PUM3: variants seen among roughly 807,000 people sequenced by gnomAD.
PUM3 encodes pumilio RNA binding family member 3, also known as pumilio homolog 3.
Under a neutral mutation model 84.0 loss-of-function variants are expected in PUM3, and 91 were observed. That is an observed-to-expected ratio of 1.08 (90% CI 0.91 to 1.29). The LOEUF (loss-of-function observed/expected upper bound fraction) is 1.29, where lower values mean the gene tolerates loss of function less well. PUM3 is among the 50% of genes most tolerant of loss of function. The pLI is 0.00. For synonymous variants in PUM3, 321 were observed against 266.7 expected, an observed-to-expected ratio of 1.20 and a Z score of -1.98; for missense variants, 1,067 against 767.5, an observed-to-expected ratio of 1.39 and a Z score of -4.61.
chr9:2,828,485 G>A, intron 9 of PUM3, 190 bp downstream of exon 9: 1 of 509,034 alleles, frequency 2.0e-6, no homozygotes, highest in Non-Finnish European at 3.5e-6. Flanking sequence ...CATTTTATAG[G>A]GTACAATATC....
rs772602035 is a variant in PUM3 at position 2,820,070 on chromosome 9, G to T, written c.1217C>A (p.Ala406Glu). ...NGQYSHLVLL[A>E]AFDCIDDTKL... The stretch of plus-strand genomic sequence containing the variant: ...AGTATCATCAATACAATCAAATGCC[G>T]CCAGTAAAACCAAATGGGAGTATTG... The change falls in exon 13 of 18, where the codon GCG becomes GAG. Residue 406 changes from alanine to glutamate, a missense_variant. Physicochemically the swap from Ala to Glu is moderately radical, Grantham distance 107 (BLOSUM62 -1). Coordinates refer to ENST00000397885, the MANE Select transcript of PUM3 (RefSeq NM_014878.5). The T allele has an allele frequency of 1.9e-6, 3 of 1,612,002 alleles. No homozygotes were observed. Among genetic ancestry groups the T allele is most frequent in the African/African-American group, 2.7e-5 (2 of 74,790 alleles).
rs116057420 is a variant in PUM3, at chr9:2,811,924, T to C, written c.1412+296A>G. Among the ~76,000 whole-genome samples, 893 of 151,716 alleles carry C rather than the reference T, an allele frequency of 5.9e-3. 7 individuals are homozygous for C. The highest frequency in any genetic ancestry group is 0.021 in the African/African-American group (858 of 41,324). ...ACACTGCTGTATGGACACCATACTCTAGGGTACTCAAATATGTGGTATCGG... is the reference window on the plus strand; with the variant it reads ...ACACTGCTGTATGGACACCATACTCCAGGGTACTCAAATATGTGGTATCGG... On this transcript the variant is annotated intron_variant, in intron 14 of 17. Transcript: ENST00000397885.
intron 3 of PUM3, among the ~76,000 whole-genome samples, 153 bp downstream of exon 3, chr9:2,837,027 C>A (rs993904511): frequency 6.6e-6 from 1 of 152,140 alleles, no homozygotes; most frequent in Non-Finnish European, 1.5e-5. Flanking sequence ...AAATTGTGAG[C>A]ATGAAAGATG....
chr9:2,810,446 G>A lies in PUM3; in HGVS notation c.1636-15C>T. 6.4e-7 allele frequency: 1 copy of A among 1,553,880 alleles called. No individual in the cohort carries two copies. The highest frequency in any genetic ancestry group is 8.8e-7 in the Non-Finnish European group (1 of 1,141,822). The stretch of plus-strand genomic sequence containing the variant: ...GCAATGTGAAGCTATGAAGGGTCAA[G>A]AACAGTTAATTTTAAAAGTTGTTTT... On this transcript the variant is annotated splice_polypyrimidine_tract_variant and intron_variant, in intron 15 of 17. Transcript: ENST00000397885.
chr9:2,809,825 C>T (rs1194151203), intron 16 of PUM3, among the ~76,000 whole-genome samples: 1 of 152,180 alleles, frequency 6.6e-6, no homozygotes, highest in East Asian at 1.9e-4. Flanking sequence ...AACCAGAAAG[C>T]GCCAAAGACT....
chr9:2,806,589 A>G (rs1352983999), intron 17 of PUM3, among the ~76,000 whole-genome samples: 1 of 152,264 alleles, frequency 6.6e-6, no homozygotes, highest in African/African-American at 2.4e-5. Context: ...AATTGCTTCA[A>G]AGCAACATAC....
chr9:2,812,703 T>C (rs1157967815), intron 13 of PUM3, among the ~76,000 whole-genome samples: 1 of 152,230 alleles, frequency 6.6e-6, no homozygotes, highest in African/African-American at 2.4e-5. Flanking sequence ...GATTTACATT[T>C]AGAACACAGA....
chr9:2,820,832 A>G (rs558698910), intron 12 of PUM3, among the ~76,000 whole-genome samples: 1 of 152,342 alleles, frequency 6.6e-6, no homozygotes, highest in East Asian at 1.9e-4. Flanking sequence ...TTGAAATAAA[A>G]TTATTTCCAT....
intron 12 of PUM3, among the ~76,000 whole-genome samples, chr9:2,822,244 G>A (rs1474174574): frequency 6.6e-6 from 1 of 152,118 alleles, no homozygotes; most frequent in East Asian, 1.9e-4. Context: ...TATGAACACT[G>A]TCAACTACTT....
rs371814546 is a variant in PUM3, at chr9:2,804,365, C to A, written c.1913G>T (p.Gly638Val). The A allele has an allele frequency of 1.9e-5, 31 of 1,613,824 alleles. No homozygotes were observed. The East Asian group carries it at 2.7e-4, about 14-fold the overall frequency. ...CAGTTTTTCAAGTAGAATTTCTATTCCTTTGCTGGTGCTTTTGGTTTTTTC... is the reference window on the plus strand; with the variant it reads ...CAGTTTTTCAAGTAGAATTTCTATTACTTTGCTGGTGCTTTTGGTTTTTTC... The part of the protein sequence containing the change: ...TLEKTKSTSK[G>V]IEILLEKLST Residue 638 changes from glycine (G) to valine (V), a missense_variant, in exon 18 of 18, where the codon GGA becomes GTA. Transcript: ENST00000397885.
intron 13 of PUM3, among the ~76,000 whole-genome samples, chr9:2,815,991 T>C (rs971351514): frequency 6.6e-6 from 1 of 152,204 alleles, no homozygotes; most frequent in Non-Finnish European, 1.5e-5. Context: ...GCACTCCTGT[T>C]TTGCCAATGC....
rs996835827 is a variant in PUM3, at chr9:2,811,479, G to A, written c.1517C>T (p.Ser506Phe). 2 of 1,614,152 alleles carry A rather than the reference G, an allele frequency of 1.2e-6. No homozygotes were observed. Among genetic ancestry groups the A allele is most frequent in the Non-Finnish European group, 8.5e-7 (1 of 1,180,020 alleles). Residue 506 changes from serine to phenylalanine, a missense_variant, in exon 15 of 18, where the codon TCT (serine) becomes TTT (phenylalanine). Physicochemically the swap from Ser to Phe is radical, Grantham distance 155. Coordinates refer to ENST00000397885, the MANE Select transcript of PUM3 (RefSeq NM_014878.5). The stretch of plus-strand genomic sequence containing the variant: ...AATGTCAGACACCAACACACACGCA[G>A]ACTTATCTAGCACCACTTCTTGGGC... ...EHAQEVVLDK[S>F]ACVLVSDILG...
rs754814072 is a variant in PUM3, at chr9:2,828,766, G to C, written c.865C>G (p.Arg289Gly). 6.3e-7 allele frequency: 1 copy of C among 1,575,028 alleles called. No homozygotes were observed. Among genetic ancestry groups the C allele is most frequent in the East Asian group, 2.2e-5 (1 of 44,632 alleles). The change falls in exon 9 of 18, where the codon CGA (arginine) becomes GGA (glycine). Residue 289 changes from arginine to glycine, a missense_variant. Arg to Gly is a moderately radical substitution (Grantham distance 125). Transcript: ENST00000397885. ...ACCTCTAACACTTTGTCCAGAGTTCGGTGATCTGCTGACTGCAACAAAACA... is the reference window on the plus strand; with the variant it reads ...ACCTCTAACACTTTGTCCAGAGTTCCGTGATCTGCTGACTGCAACAAAACA... ...TFQLYKSADH[R>G]TLDKVLEVQP...
intron 13 of PUM3, among the ~76,000 whole-genome samples, chr9:2,819,817 T>C (rs1172679429): frequency 6.6e-6 from 1 of 152,158 alleles, no homozygotes; most frequent in Non-Finnish European, 1.5e-5. Flanking sequence ...TAAAACAGTA[T>C]TAATATCAAG....
intron 16 of PUM3, among the ~76,000 whole-genome samples, 185 bp downstream of exon 16, chr9:2,810,159 C>A (rs1821336036): frequency 6.6e-6 from 1 of 152,018 alleles, no homozygotes; most frequent in Non-Finnish European, 1.5e-5. Context: ...AGTTCTCAGG[C>A]ACAAATATTT....
At chr9:2,819,059 G>T (rs1230172877) in intron 13 of PUM3, among the ~76,000 whole-genome samples, 1 of 152,148 alleles carries the variant, frequency 6.6e-6, no homozygotes, top group South Asian at 2.1e-4. Context: ...AAACAGAAAG[G>T]CTTGTGTAAT....
Position 2,828,674 on chromosome 9 carries a change from C to G in PUM3, c.956+1G>C. 1 of 1,549,102 alleles carries G rather than the reference C, an allele frequency of 6.5e-7. No homozygotes were observed. Among genetic ancestry groups the G allele is most frequent in the Non-Finnish European group, 8.9e-7 (1 of 1,123,144 alleles). On this transcript the variant is annotated splice_donor_variant, in intron 9 of 17. Coordinates refer to ENST00000397885, the MANE Select transcript of PUM3 (RefSeq NM_014878.5). LOFTEE classifies it high-confidence loss of function. The stretch of plus-strand genomic sequence containing the variant: ...GAACAAAACAAAAACAACTTTCTTA[C>G]TTTTGGGCCATTGGAGTTAGAATCT...
At chr9:2,837,481 A>T (rs1816159355) in intron 2 of PUM3, 80 bp from the exon 3 acceptor site, 1 of 936,036 alleles carries the variant, frequency 1.1e-6, no homozygotes, top group Admixed American at 2.6e-5. Context: ...CATTACAGAA[A>T]ATTATACTTT....
chr9:2,809,091 C>T lies in PUM3; in HGVS notation c.1724-1187G>A, dbSNP rs1821315935. On this transcript the variant is annotated intron_variant, in intron 16 of 17. Transcript: ENST00000397885. ...AAAAGTGGACACTCCAACCACAAAC[C>T]GAGCAGCCCTAGATGACTCTGACTC... Among the ~76,000 whole-genome samples the T allele has an allele frequency of 2.0e-5, 3 of 152,224 alleles. No individual in the cohort carries two copies. The South Asian group carries it at 6.2e-4, about 32-fold the overall frequency.
Sources: allele counts gnomAD v4.1 joint callset (sites outside exome capture counted in the v4.1 genomes callset), GRCh38; gene constraint gnomAD v4.1.1; transcripts MANE v1.5; gene names NCBI Gene and HGNC (gene_info 2026-07-23, HGNC 2026-07-21).